Variants in PTPRK observed in about 807,000 individuals in gnomAD.
The protein encoded by PTPRK is protein tyrosine phosphatase receptor type K, also known as receptor-type tyrosine-protein phosphatase kappa.
A neutral mutation model predicts 178.0 loss-of-function variants in PTPRK; 75 were observed. The observed-to-expected ratio is 0.42, with a 90% CI of 0.35 to 0.51. The LOEUF (loss-of-function observed/expected upper bound fraction) is 0.51. Among genes scored for constraint, PTPRK ranks in the 20% least tolerant of loss-of-function variants. The probability of loss-of-function intolerance (pLI) is 0.02; values close to 1 mark genes in which losing one functional copy is unlikely to be tolerated. For synonymous variants in PTPRK, 637 were observed against 620.6 expected, an observed-to-expected ratio of 1.03 and a Z score of -0.39; for missense variants, 1,441 against 1,797.8, an observed-to-expected ratio of 0.80 and a Z score of 3.59.
intron 13 of PTPRK, among the ~76,000 whole-genome samples, chr6:128,042,783 T>G (rs539842027): frequency 6.6e-6 from 1 of 152,084 alleles, no homozygotes; most frequent in African/African-American, 2.4e-5. Flanking sequence ...AGAATTATCA[T>G]GATTACAAAT....
chr6:128,033,081 T>A (rs1775621105), intron 13 of PTPRK, among the ~76,000 whole-genome samples: 1 of 152,112 alleles, frequency 6.6e-6, no homozygotes, highest in Non-Finnish European at 1.5e-5. Context: ...GGGAAGTTGG[T>A]AGGGATAGAT....
At chr6:128,430,421 A>G (rs1359185661) in intron 1 of PTPRK, among the ~76,000 whole-genome samples, 2 of 152,236 alleles carry the variant, frequency 1.3e-5, no homozygotes, top group African/African-American at 4.8e-5. Context: ...CTCCCAAGTC[A>G]TCTTTTGAAG....
intron 6 of PTPRK, among the ~76,000 whole-genome samples, chr6:128,204,758 T>A (rs1444520421): frequency 1.3e-5 from 2 of 149,656 alleles, no homozygotes; most frequent in Non-Finnish European, 3.0e-5. Context: ...TATCGAAGAG[T>A]CAAAAACAAC....
intron 3 of PTPRK, among the ~76,000 whole-genome samples, chr6:128,274,334 TC>T (rs1262529446): frequency 2.6e-5 from 4 of 152,130 alleles, no homozygotes; most frequent in Non-Finnish European, 5.9e-5. Context: ...AATTCCATCT[TC>T]CAGCACTTAA....
At chr6:128,304,290 A>T (rs761554218) in intron 3 of PTPRK, among the ~76,000 whole-genome samples, 1 of 152,206 alleles carries the variant, frequency 6.6e-6, no homozygotes, top group African/African-American at 2.4e-5. Flanking sequence ...TAATGTCACT[A>T]CTGAAGGGGG....
At chr6:128,261,771 T>C (rs183056834) in intron 3 of PTPRK, among the ~76,000 whole-genome samples, 82 of 152,312 alleles carry the variant, frequency 5.4e-4, no homozygotes, top group African/African-American at 1.7e-3. Context: ...CTTTTAAATA[T>C]GAATTTTGAC....
chr6:128,465,222 T>C (rs1849692835), intron 1 of PTPRK, among the ~76,000 whole-genome samples: 1 of 152,042 alleles, frequency 6.6e-6, no homozygotes. Flanking sequence ...AATCATGAAA[T>C]AAAATGAAAA....
intron 7 of PTPRK, among the ~76,000 whole-genome samples, chr6:128,172,553 A>G (rs1800426744): frequency 6.6e-6 from 1 of 151,764 alleles, no homozygotes; most frequent in South Asian, 2.1e-4. Flanking sequence ...AAAAAATTTT[A>G]AAAATAAGTT....
chr6:128,088,624 A>C (rs1044002831), intron 8 of PTPRK, among the ~76,000 whole-genome samples: 1 of 152,180 alleles, frequency 6.6e-6, no homozygotes, highest in African/African-American at 2.4e-5. Flanking sequence ...TATTGTTATT[A>C]GATTATCATT....
At chr6:128,324,061 C>A (rs1829213463) in intron 2 of PTPRK, among the ~76,000 whole-genome samples, 1 of 152,016 alleles carries the variant, frequency 6.6e-6, no homozygotes, top group Admixed American at 6.6e-5. Flanking sequence ...CATAGCAGAC[C>A]AATCATTCCT....
At chr6:128,484,195 C>A (rs1218344866) in intron 1 of PTPRK, among the ~76,000 whole-genome samples, 2 of 152,090 alleles carry the variant, frequency 1.3e-5, no homozygotes, top group South Asian at 2.1e-4. Flanking sequence ...TTATTCATCA[C>A]CCTTGGTCCT....
At chr6:128,270,006 C>T (rs1033244466) in intron 3 of PTPRK, among the ~76,000 whole-genome samples, 1 of 152,074 alleles carries the variant, frequency 6.6e-6, no homozygotes, top group African/African-American at 2.4e-5. Context: ...ATTCACTTTC[C>T]TTTCTGCTGA....
intron 3 of PTPRK, among the ~76,000 whole-genome samples, chr6:128,299,823 A>G (rs1825244245): frequency 6.6e-6 from 1 of 152,184 alleles, no homozygotes; most frequent in African/African-American, 2.4e-5. Context: ...AAAGGACTTC[A>G]TGTCTAAAAC....
chr6:128,464,985 G>T (rs1036197082), intron 1 of PTPRK, among the ~76,000 whole-genome samples: 1 of 151,186 alleles, frequency 6.6e-6, no homozygotes, highest in Non-Finnish European at 1.5e-5. Context: ...AAAGGTTTGG[G>T]ATTTTGCCAA....
At chr6:128,043,862 A>G (rs1468917450) in intron 13 of PTPRK, among the ~76,000 whole-genome samples, 2 of 151,870 alleles carry the variant, frequency 1.3e-5, no homozygotes, top group Non-Finnish European at 2.9e-5. Context: ...TTAAGGGACC[A>G]TATTTTTTAG....
At chr6:128,279,594 T>C (rs138890669) in intron 3 of PTPRK, among the ~76,000 whole-genome samples, 217 of 152,298 alleles carry the variant, frequency 1.4e-3, no homozygotes, top group Middle Eastern at 6.8e-3. Context: ...TTTTTCCCTT[T>C]TTTAACGTGA....
At chr6:128,500,000 A>G (rs1346590508) in intron 1 of PTPRK, among the ~76,000 whole-genome samples, 1 of 152,228 alleles carries the variant, frequency 6.6e-6, no homozygotes, top group Admixed American at 6.5e-5. Context: ...TATTGAAAAT[A>G]ATTTTTAAAG....
intron 7 of PTPRK, among the ~76,000 whole-genome samples, chr6:128,147,793 A>G (rs927586020): frequency 1.3e-5 from 2 of 152,192 alleles, no homozygotes; most frequent in East Asian, 1.9e-4. Context: ...GCTCTGCAAA[A>G]TAAAGTATCT....
At chr6:128,465,363 C>T (rs1849709446) in intron 1 of PTPRK, among the ~76,000 whole-genome samples, 1 of 151,818 alleles carries the variant, frequency 6.6e-6, no homozygotes, top group Admixed American at 6.6e-5. Flanking sequence ...CCTTTTGTTA[C>T]TACTATAAGG....
Sources: gnomAD v4.1 joint callset for allele counts (sites outside exome capture counted in the v4.1 genomes callset) on GRCh38, gnomAD v4.1.1 for gene constraint, MANE v1.5 for transcripts, NCBI Gene and HGNC (gene_info 2026-07-23, HGNC 2026-07-21) for gene names.